Variants in PEX6 observed in about 807,000 individuals in gnomAD.
PEX6 encodes peroxisome biogenesis factor 6.
Under a neutral mutation model 85.6 loss-of-function variants are expected in PEX6, and 55 were observed. That is an observed-to-expected ratio of 0.64 (90% CI 0.52 to 0.80). The LOEUF is 0.80. Among genes scored for constraint, PEX6 ranks in the 30% least tolerant of loss-of-function variants. PEX6 has a pLI of 0.00. For missense variants in PEX6, 1,099 were observed against 1,260.3 expected (o/e 0.87, Z 1.94); for synonymous variants, 519 against 549.1 (o/e 0.95, Z 0.77).
intron 7 of PEX6, 58 bp downstream of exon 7, chr6:42,968,232 G>C (rs1769915733): frequency 6.9e-7 from 1 of 1,444,540 alleles, no homozygotes; most frequent in African/African-American, 1.4e-5. Flanking sequence ...TTATAAGTGT[G>C]AGCCACCGCG....
chr6:42,967,738 A>T (rs541305719), intron 7 of PEX6, among the ~76,000 whole-genome samples, 175 bp from the exon 8 acceptor site: 5 of 152,126 alleles, frequency 3.3e-5, no homozygotes, highest in Admixed American at 6.5e-5. Context: ...CCCCCATCAC[A>T]TTGAGGGCAG....
At chr6:42,973,240 G>A (rs1770133550) in intron 3 of PEX6, among the ~76,000 whole-genome samples, 1 of 151,894 alleles carries the variant, frequency 6.6e-6, no homozygotes, top group Non-Finnish European at 1.5e-5. Context: ...TTGAATTCCT[G>A]ACCTCAAGTG....
chr6:42,975,110 C>G (rs1581773886), intron 1 of PEX6, 72 bp from the exon 2 acceptor site: 7 of 1,243,792 alleles, frequency 5.6e-6, no homozygotes, highest in Non-Finnish European at 8.3e-6. Context: ...TCTCAGCAGC[C>G]AACATGTCTA....
At position 42,964,547 on chromosome 6, in the gene PEX6, AG is replaced by A; in HGVS notation, c.2807-77del. 5 of 1,537,606 alleles carry A rather than the reference AG, an allele frequency of 3.3e-6. No homozygotes were observed. Among genetic ancestry groups the A allele is most frequent in the Non-Finnish European group, 4.5e-6 (5 of 1,114,350 alleles). ...GCCCTGCGAAGGTGGCTTCCTGCTC[AG>A]GGTCTCCTAGATGTCAATGATCTTC... is the stretch of plus-strand genomic sequence containing the variant. On this transcript the variant is annotated intron_variant, in intron 16 of 16. Coordinates refer to ENST00000304611, the MANE Select transcript of PEX6 (RefSeq NM_000287.4). This position sits in a 1 kb window ranked among gnomAD's most constrained non-coding sequence, Gnocchi z 4.6.
intron 1 of PEX6, among the ~76,000 whole-genome samples, chr6:42,977,765 T>A (rs1770358650): frequency 3.1e-5 from 1 of 32,024 alleles, no homozygotes; most frequent in African/African-American, 1.8e-4. Context: ...CAAGACCCCA[T>A]CTCAAAAAAA....
At chr6:42,972,450 T>C (rs914071570) in intron 3 of PEX6, among the ~76,000 whole-genome samples, 28 of 152,302 alleles carry the variant, frequency 1.8e-4, no homozygotes, top group African/African-American at 4.6e-4. Context: ...TCTCTGTTGA[T>C]AGGACAGGGT....
chr6:42,966,967 G>GTT (rs144477517), intron 8 of PEX6, 109 bp from the exon 9 acceptor site: 2,899 of 469,152 alleles, frequency 6.2e-3, no homozygotes, highest in East Asian at 0.012. Context: ...TAGGTTTGTT[G>GTT]TTTTTTTTTT....
At chr6:42,974,761 G>A (rs1023350943) in intron 2 of PEX6, 114 bp downstream of exon 2, 180 of 989,496 alleles carry the variant, frequency 1.8e-4, no homozygotes, top group Non-Finnish European at 2.4e-4. Context: ...GCACCTAGCC[G>A]CAAATGTGGC....
chr6:42,978,920 G>A lies in PEX6; in HGVS notation c.231C>T (p.Ser77=). 1 of 1,488,550 alleles carries A rather than the reference G, an allele frequency of 6.7e-7. No individual in the cohort carries two copies. Among genetic ancestry groups the A allele is most frequent in the South Asian group, 1.3e-5 (1 of 78,836 alleles). 92.2% of individuals were successfully genotyped at this position (1,488,550 alleles called of 1,614,324 possible). A position where few individuals can be genotyped will look rare whatever the true frequency, so the allele number is the denominator to read the frequency against. ...QGPGPPQLLV[S]RALLRLLALG... Reference sequence around the variant, plus strand: ...GTGCCAGGAGCCGCAGCAGCGCGCGGCTAACCAGTAGCTGCGGCGGCCCGG... The same window carrying A: ...GTGCCAGGAGCCGCAGCAGCGCGCGACTAACCAGTAGCTGCGGCGGCCCGG... Residue 77 remains serine (S), a synonymous_variant, in exon 1 of 17, where the codon AGC becomes AGT. Transcript: ENST00000304611.
chr6:42,976,262 C>G (rs1003122928), intron 1 of PEX6, among the ~76,000 whole-genome samples: 2 of 152,162 alleles, frequency 1.3e-5, no homozygotes, highest in African/African-American at 4.8e-5. Flanking sequence ...TAAAAAGCCA[C>G]AAAGTGGCTG....
chr6:42,967,285 A>G, intron 8 of PEX6, 83 bp downstream of exon 8: 1 of 1,377,546 alleles, frequency 7.3e-7, no homozygotes, highest in East Asian at 2.4e-5. Flanking sequence ...TTCTACTCTC[A>G]CTCACAAGGC....
chr6:42,965,050 G>T lies in PEX6; in HGVS notation c.2666+25C>A, dbSNP rs371690399. 1 of 1,612,988 alleles carries T rather than the reference G, an allele frequency of 6.2e-7. No individual in the cohort carries two copies. The highest frequency in any genetic ancestry group is 1.1e-5 in the South Asian group (1 of 91,068). ...AAGCATCCCAAGGCCCAAGCCCTTC[G>T]CAGTCTTCCTCTAACAGAGCATACT... On this transcript the variant is annotated intron_variant, in intron 15 of 16. Coordinates refer to ENST00000304611, the MANE Select transcript of PEX6 (RefSeq NM_000287.4). This position sits in a 1 kb window ranked among gnomAD's most constrained non-coding sequence, Gnocchi z 5.0.
At chr6:42,977,962 GC>G (rs1770374686) in intron 1 of PEX6, among the ~76,000 whole-genome samples, 1 of 150,274 alleles carries the variant, frequency 6.7e-6, no homozygotes. Context: ...TCCTGCTTCA[GC>G]CTCCCAAGTA....
At chr6:42,967,047 A>G (rs1016251108) in intron 8 of PEX6, among the ~76,000 whole-genome samples, 189 bp from the exon 9 acceptor site, 1 of 134,636 alleles carries the variant, frequency 7.4e-6, no homozygotes, top group Non-Finnish European at 1.5e-5. Flanking sequence ...ATCTCGGCTC[A>G]CCGCAACTTC....
intron 3 of PEX6, among the ~76,000 whole-genome samples, chr6:42,972,298 C>T (rs575735241): frequency 6.6e-6 from 1 of 152,292 alleles, no homozygotes; most frequent in East Asian, 1.9e-4. Flanking sequence ...ATACATTTTC[C>T]TCCCTACACA....
At chr6:42,967,741 G>A (rs1216015683) in intron 7 of PEX6, among the ~76,000 whole-genome samples, 178 bp from the exon 8 acceptor site, 1 of 152,088 alleles carries the variant, frequency 6.6e-6, no homozygotes, top group East Asian at 1.9e-4. Context: ...CCATCACATT[G>A]AGGGCAGAGG....
intron 1 of PEX6, among the ~76,000 whole-genome samples, chr6:42,976,662 C>CT (rs537991333): frequency 0.022 from 3,169 of 144,752 alleles, 37 homozygotes; most frequent in South Asian, 0.03. Flanking sequence ...TGCGCCTGGC[C>CT]TTTTTTTTTT....
chr6:42,964,701 C>T lies in PEX6; in HGVS notation c.2806+89G>A. ...AACTCCTGGGCTCAAGCGATCCTCC[C>T]ACCTCAGCCTCTCAAGTAGCTGGGA... On this transcript the variant is annotated intron_variant, in intron 16 of 16. Coordinates refer to ENST00000304611, the MANE Select transcript of PEX6 (RefSeq NM_000287.4). This position sits in a 1 kb window ranked among gnomAD's most constrained non-coding sequence, Gnocchi z 4.6. 1 of 1,546,162 alleles carries T rather than the reference C, an allele frequency of 6.5e-7. No individual in the cohort carries two copies. Among genetic ancestry groups the T allele is most frequent in the South Asian group, 1.1e-5 (1 of 89,124 alleles).
Position 42,979,151 on chromosome 6 carries a change from G to T in PEX6, c.-1C>A. ...GGACCCGCAAGACAGCCAGCGCCAT[G>T]GTGACAGGACACCAACGAGGAGGGT... On this transcript the variant is annotated 5_prime_UTR_variant, in exon 1 of 17. Transcript: ENST00000304611. The T allele has an allele frequency of 6.3e-7, 1 of 1,577,968 alleles. No homozygotes were observed. The highest frequency in any genetic ancestry group is 1.1e-5 in the South Asian group (1 of 87,858).
Sources: gnomAD v4.1 joint callset for allele counts (sites outside exome capture counted in the v4.1 genomes callset) on GRCh38, gnomAD v4.1.1 for gene constraint, Gnocchi (gnomAD v3.1) non-coding constraint, MANE v1.5 for transcripts, NCBI Gene and HGNC (gene_info 2026-07-23, HGNC 2026-07-21) for gene names.